Variants in ALCAM observed in about 807,000 individuals in gnomAD.
ALCAM encodes activated leukocyte cell adhesion molecule.
In ALCAM, 30 loss-of-function variants were observed where a neutral mutation model predicts 70.9. The observed-to-expected ratio is 0.42, with a 90% CI of 0.32 to 0.57. The LOEUF is 0.57. Ranked by LOEUF, ALCAM falls within the 20% of genes least tolerant of loss-of-function variation. The pLI is 0.11. For synonymous variants in ALCAM, 249 were observed against 242.5 expected, an observed-to-expected ratio of 1.03 and a Z score of -0.25; for missense variants, 591 against 695.1, an observed-to-expected ratio of 0.85 and a Z score of 1.68.
intron 1 of ALCAM, among the ~76,000 whole-genome samples, chr3:105,491,094 G>T (rs1260481157): frequency 6.6e-6 from 1 of 152,162 alleles, no homozygotes; most frequent in Non-Finnish European, 1.5e-5. Flanking sequence ...CTTGACTTCT[G>T]TGCACCTGCA....
intron 15 of ALCAM, among the ~76,000 whole-genome samples, chr3:105,572,369 T>A (rs1254227745): frequency 1.3e-5 from 2 of 152,156 alleles, no homozygotes; most frequent in African/African-American, 2.4e-5. Flanking sequence ...TTGCTGAGAA[T>A]GATGGTTTCC....
intron 1 of ALCAM, among the ~76,000 whole-genome samples, chr3:105,499,718 T>C (rs984210468): frequency 1.3e-5 from 2 of 152,198 alleles, no homozygotes; most frequent in Non-Finnish European, 2.9e-5. Flanking sequence ...GGGTAAACAT[T>C]AGCAGGGATG....
At chr3:105,438,691 G>T (rs1456019199) in intron 1 of ALCAM, among the ~76,000 whole-genome samples, 1 of 152,142 alleles carries the variant, frequency 6.6e-6, no homozygotes, top group African/African-American at 2.4e-5. Context: ...TTGTCTCTGT[G>T]ATGAAGCAAT....
chr3:105,398,424 A>G (rs1488981468), intron 1 of ALCAM, among the ~76,000 whole-genome samples: 1 of 152,120 alleles, frequency 6.6e-6, no homozygotes, highest in African/African-American at 2.4e-5. Flanking sequence ...TTTCAGAGAT[A>G]ATGCTACCTT....
chr3:105,542,961 A>G (rs1055423958), intron 8 of ALCAM, among the ~76,000 whole-genome samples: 1 of 151,802 alleles, frequency 6.6e-6, no homozygotes, highest in African/African-American at 2.4e-5. Flanking sequence ...TAACAATATT[A>G]TCCAGTCCTG....
At chr3:105,443,607 G>T (rs963178054) in intron 1 of ALCAM, among the ~76,000 whole-genome samples, 1 of 152,008 alleles carries the variant, frequency 6.6e-6, no homozygotes, top group Non-Finnish European at 1.5e-5. Flanking sequence ...AATTTAAAAT[G>T]GTTTCTTTTA....
chr3:105,415,339 G>A (rs1041485651), intron 1 of ALCAM, among the ~76,000 whole-genome samples: 2 of 152,076 alleles, frequency 1.3e-5, no homozygotes, highest in African/African-American at 4.8e-5. Context: ...TTATAGATGC[G>A]TCCATGCTGT....
chr3:105,552,796 C>T (rs549841588), intron 14 of ALCAM: 23 of 1,358,688 alleles, frequency 1.7e-5, no homozygotes, highest in Non-Finnish European at 2.1e-5. Context: ...TCACATGTGT[C>T]CGTTTATTTG....
At chr3:105,434,713 A>G (rs1380378860) in intron 1 of ALCAM, among the ~76,000 whole-genome samples, 3 of 152,232 alleles carry the variant, frequency 2.0e-5, no homozygotes, top group African/African-American at 7.2e-5. Flanking sequence ...AAGACAGTTA[A>G]TTCTCTAGAA....
rs146784069 is a variant in ALCAM, at chr3:105,387,167, A to G, written c.73+19686A>G. On this transcript the variant is annotated intron_variant, in intron 1 of 15. Coordinates refer to ENST00000306107, the MANE Select transcript of ALCAM (RefSeq NM_001627.4). ...TAGTAGTCTCACAGGCTGAGCGTCC[A>G]AATGAGGTTGCTGCTATAGGGAAGG... Among the ~76,000 whole-genome samples, 849 of 151,648 alleles carry G rather than the reference A, an allele frequency of 5.6e-3. 6 individuals are homozygous for G. Among genetic ancestry groups the G allele is most frequent in the Non-Finnish European group, 9.1e-3 (614 of 67,702 alleles).
intron 1 of ALCAM, among the ~76,000 whole-genome samples, chr3:105,484,340 GA>G (rs1390820225): frequency 2.0e-5 from 3 of 150,104 alleles, no homozygotes; most frequent in Non-Finnish European, 4.4e-5. Context: ...ATCAAATCAA[GA>G]ATATCTATGA....
chr3:105,382,402 A>G (rs940689423), intron 1 of ALCAM, among the ~76,000 whole-genome samples: 1 of 151,904 alleles, frequency 6.6e-6, no homozygotes, highest in Admixed American at 6.6e-5. Flanking sequence ...ATAAACATAC[A>G]TGTGCATGTG....
intron 1 of ALCAM, among the ~76,000 whole-genome samples, chr3:105,368,816 G>A (rs1004554162): frequency 2.0e-5 from 3 of 152,034 alleles, no homozygotes; most frequent in African/African-American, 7.3e-5. Context: ...TTACATTTCT[G>A]GGTGAGGTAA....
chr3:105,459,676 A>G (rs1292661018), intron 1 of ALCAM, among the ~76,000 whole-genome samples: 1 of 152,154 alleles, frequency 6.6e-6, no homozygotes, highest in Non-Finnish European at 1.5e-5. Context: ...GCATGTAGTA[A>G]GTACTCAATC....
chr3:105,382,809 T>C (rs1011668757), intron 1 of ALCAM, among the ~76,000 whole-genome samples: 1 of 152,058 alleles, frequency 6.6e-6, no homozygotes, highest in Non-Finnish European at 1.5e-5. Context: ...CTTGTAAATT[T>C]GTTGGAATTC....
In ALCAM at chr3:105,367,126, T is replaced by A; in HGVS notation, c.-283T>A. The A allele has an allele frequency of 2.2e-6, 1 of 449,836 alleles. No individual in the cohort carries two copies. Among genetic ancestry groups the A allele is most frequent in the Non-Finnish European group, 4.1e-6 (1 of 244,558 alleles). 27.9% of individuals were successfully genotyped at this position (449,836 alleles called of 1,614,324 possible). On this transcript the variant is annotated 5_prime_UTR_variant, in exon 1 of 16. Transcript: ENST00000306107. ...CTTACACCTTTCCGAATTACTCAAG[T>A]GTCTCCTGGAAACAGAGGGTCGTTG... is the stretch of plus-strand genomic sequence containing the variant.
At chr3:105,553,864 T>C (rs1000969047) in intron 14 of ALCAM, among the ~76,000 whole-genome samples, 2 of 151,932 alleles carry the variant, frequency 1.3e-5, no homozygotes, top group African/African-American at 4.8e-5. Flanking sequence ...TGTTTTAGAA[T>C]CTTTGTGTTG....
intron 1 of ALCAM, among the ~76,000 whole-genome samples, chr3:105,486,453 T>G (rs1238866955): frequency 6.6e-6 from 1 of 152,144 alleles, no homozygotes; most frequent in Non-Finnish European, 1.5e-5. Context: ...TCAACGAACT[T>G]AAATTTTATC....
chr3:105,420,263 A>C (rs1487145833), intron 1 of ALCAM, among the ~76,000 whole-genome samples: 1 of 151,578 alleles, frequency 6.6e-6, no homozygotes, highest in Non-Finnish European at 1.5e-5. Context: ...CTACACCTTT[A>C]TTAAAAAAAT....
Sources: allele counts gnomAD v4.1 joint callset (sites outside exome capture counted in the v4.1 genomes callset), GRCh38; gene constraint gnomAD v4.1.1; transcripts MANE v1.5; gene names NCBI Gene and HGNC (gene_info 2026-07-23, HGNC 2026-07-21).